Variants in DOCK8 observed in about 807,000 individuals in gnomAD.
DOCK8 encodes dedicator of cytokinesis 8, also known as dedicator of cytokinesis protein 8.
In DOCK8, 141 loss-of-function variants were observed where a neutral mutation model predicts 245.6. The observed-to-expected ratio is 0.57, with a 90% CI of 0.50 to 0.66. DOCK8 has a LOEUF of 0.66. DOCK8 is among the 30% of genes least tolerant of loss of function. The probability of loss-of-function intolerance (pLI) is 0.00; values close to 1 mark genes in which losing one functional copy is unlikely to be tolerated. For missense variants in DOCK8, 2,965 were observed against 2,603.4 expected (o/e 1.14, Z -3.02); for synonymous variants, 1,168 against 970.2 (o/e 1.20, Z -3.79).
intron 44 of DOCK8, among the ~76,000 whole-genome samples, chr9:448,226 G>T (rs1173503612): frequency 1.3e-5 from 2 of 152,166 alleles, no homozygotes; most frequent in African/African-American, 4.8e-5. Context: ...CTGTGTAGCT[G>T]GGACTACAGG....
chr9:381,103 AAAACAAACAAAC>A (rs112065387), intron 21 of DOCK8: 1 of 151,730 alleles, frequency 6.6e-6, no homozygotes, highest in Non-Finnish European at 1.5e-5. Flanking sequence ...CCCATCTCTT[AAAACAAACAAAC>A]AAACAAACAA....
At chr9:215,902 C>T (rs1224785891) in intron 1 of DOCK8, among the ~76,000 whole-genome samples, 1 of 152,168 alleles carries the variant, frequency 6.6e-6, no homozygotes, top group Non-Finnish European at 1.5e-5. Context: ...ATAGGAAACT[C>T]ATTCTAAAGT....
intron 2 of DOCK8, among the ~76,000 whole-genome samples, chr9:273,795 TCCTGTAGTTCAAGCAA>T (rs1459021808): frequency 5.1e-5 from 2 of 39,210 alleles, no homozygotes; most frequent in African/African-American, 6.4e-4. Context: ...CAAGCAATTC[TCCTGTAGTTCAAGCAA>T]TTCTCCTGCC....
At chr9:387,589 A>G (rs571225517) in intron 23 of DOCK8, among the ~76,000 whole-genome samples, 1 of 152,344 alleles carries the variant, frequency 6.6e-6, no homozygotes, top group South Asian at 2.1e-4. Flanking sequence ...TTTGGACTGG[A>G]TGAGGGAAAG....
chr9:334,108 TTTACTC>T, intron 10 of DOCK8, 111 bp from the exon 11 acceptor site: 1 of 1,137,782 alleles, frequency 8.8e-7, no homozygotes, highest in Non-Finnish European at 1.3e-6. Flanking sequence ...AAGATATGTT[TTTACTC>T]TTTTTAATCA....
intron 1 of DOCK8, among the ~76,000 whole-genome samples, chr9:253,900 A>T (rs1281141382): frequency 6.6e-6 from 1 of 152,236 alleles, no homozygotes; most frequent in Non-Finnish European, 1.5e-5. Context: ...ACATTTATGC[A>T]TTGAGAAAAG....
chr9:417,231 G>C (rs748549523), intron 29 of DOCK8, among the ~76,000 whole-genome samples: 1 of 152,138 alleles, frequency 6.6e-6, no homozygotes, highest in African/African-American at 2.4e-5. Flanking sequence ...TGCAGTGAGC[G>C]GAGATGGCGC....
chr9:408,470 C>G (rs2055544047), intron 28 of DOCK8, among the ~76,000 whole-genome samples: 1 of 152,172 alleles, frequency 6.6e-6, no homozygotes, highest in African/African-American at 2.4e-5. Context: ...TCAACTCTAA[C>G]TAAATTTCTC....
intron 26 of DOCK8, among the ~76,000 whole-genome samples, chr9:404,061 A>G (rs1369130147): frequency 2.7e-5 from 4 of 149,998 alleles, no homozygotes; most frequent in South Asian, 2.1e-4. Flanking sequence ...AGGCATGTCT[A>G]TCACAAGGAT....
intron 1 of DOCK8, among the ~76,000 whole-genome samples, chr9:264,968 G>C (rs1023847178): frequency 2.6e-5 from 4 of 152,072 alleles, no homozygotes; most frequent in Non-Finnish European, 2.9e-5. Context: ...TCTCGCTCTT[G>C]TCCCCCAGGC....
At chr9:424,189 GCT>G in intron 33 of DOCK8, among the ~76,000 whole-genome samples, 1 of 151,414 alleles carries the variant, frequency 6.6e-6, no homozygotes, top group Non-Finnish European at 1.5e-5. Context: ...GATTATTTTG[GCT>G]CTGTTTCTTT....
At chr9:385,935 G>C (rs938213552) in intron 22 of DOCK8, among the ~76,000 whole-genome samples, 3 of 152,172 alleles carry the variant, frequency 2.0e-5, no homozygotes, top group African/African-American at 7.2e-5. Flanking sequence ...TCCCTTCAGA[G>C]GTAGTTTTTG....
intron 23 of DOCK8, among the ~76,000 whole-genome samples, chr9:386,694 C>T (rs1286752489): frequency 6.6e-6 from 1 of 152,198 alleles, no homozygotes; most frequent in African/African-American, 2.4e-5. Context: ...GACCCTACCT[C>T]CTGAGTTTCT....
intron 42 of DOCK8, among the ~76,000 whole-genome samples, chr9:442,251 T>C (rs2057116186): frequency 6.6e-6 from 1 of 152,266 alleles, no homozygotes; most frequent in Admixed American, 6.5e-5. Flanking sequence ...TTTGGAATTT[T>C]ATATGGTGAA....
At position 376,461 on chromosome 9, in the gene DOCK8, A is replaced by T. The variant is rs186909413; in HGVS notation, c.2205+156A>T. Among the ~76,000 whole-genome samples the T allele has an allele frequency of 1.8e-4, 28 of 152,330 alleles. 1 individual carries two copies. The highest frequency in any genetic ancestry group is 6.3e-4 in the African/African-American group (26 of 41,578). On this transcript the variant is annotated intron_variant, in intron 19 of 47. Coordinates refer to ENST00000432829, the MANE Select transcript of DOCK8 (RefSeq NM_203447.4). ...GGACATGCAAACCTCTTTAGGTTTC[A>T]TTTGTCATTGGAATAGAAAGACCTT... is the stretch of plus-strand genomic sequence containing the variant.
At chr9:360,232 C>T (rs1392125364) in intron 14 of DOCK8, among the ~76,000 whole-genome samples, 1 of 151,456 alleles carries the variant, frequency 6.6e-6, no homozygotes, top group Non-Finnish European at 1.5e-5. Context: ...AGGAGAATTG[C>T]TTGATCTTGG....
chr9:328,751 A>C (rs2050872662), intron 9 of DOCK8, among the ~76,000 whole-genome samples: 1 of 150,420 alleles, frequency 6.6e-6, no homozygotes, highest in South Asian at 2.1e-4. Context: ...TTACCATGTC[A>C]CAGACTGTCT....
intron 34 of DOCK8, among the ~76,000 whole-genome samples, chr9:427,966 C>G (rs2056561053): frequency 6.6e-6 from 1 of 152,180 alleles, no homozygotes; most frequent in South Asian, 2.1e-4. Context: ...GATAAACAAG[C>G]TTCTATTTAG....
intron 28 of DOCK8, among the ~76,000 whole-genome samples, chr9:409,645 A>G (rs780779897): frequency 1.1e-4 from 16 of 152,060 alleles, no homozygotes; most frequent in Non-Finnish European, 1.9e-4. Context: ...GGTTTGTTAC[A>G]TATGTATATA....
Sources: gnomAD v4.1 joint callset for allele counts (sites outside exome capture counted in the v4.1 genomes callset) on GRCh38, gnomAD v4.1.1 for gene constraint, MANE v1.5 for transcripts, NCBI Gene and HGNC (gene_info 2026-07-23, HGNC 2026-07-21) for gene names.